SMYD3: variants seen among roughly 807,000 people sequenced by gnomAD.
SMYD3 encodes SET and MYND domain containing 3.
In SMYD3, 36 loss-of-function variants were observed where a neutral mutation model predicts 57.7. The observed-to-expected ratio is 0.62, with a 90% CI of 0.48 to 0.82. The LOEUF (loss-of-function observed/expected upper bound fraction) is 0.82, where lower values mean the gene tolerates loss of function less well. Ranked by LOEUF, SMYD3 falls within the 40% of genes least tolerant of loss-of-function variation. The probability of loss-of-function intolerance (pLI) is 0.00; values close to 1 mark genes in which losing one functional copy is unlikely to be tolerated. For synonymous variants in SMYD3, 211 were observed against 195.0 expected (o/e 1.08, Z -0.68); for missense variants, 515 against 538.8 (o/e 0.96, Z 0.44).
At chr1:245,891,055 G>C (rs764625936) in intron 8 of SMYD3, among the ~76,000 whole-genome samples, 3 of 152,198 alleles carry the variant, frequency 2.0e-5, no homozygotes, top group African/African-American at 4.8e-5. Flanking sequence ...GTAGAATGAT[G>C]GTTACCAGAG....
intron 5 of SMYD3, among the ~76,000 whole-genome samples, chr1:246,286,370 C>T (rs144569378): frequency 8.2e-4 from 125 of 152,132 alleles, no homozygotes; most frequent in Non-Finnish European, 1.6e-3. Context: ...CACAAATCAC[C>T]ACACAGCTCC....
At chr1:245,989,272 G>C (rs1051378737) in intron 5 of SMYD3, among the ~76,000 whole-genome samples, 3 of 151,822 alleles carry the variant, frequency 2.0e-5, no homozygotes, top group African/African-American at 7.2e-5. Context: ...GTCCACTGCT[G>C]CAAGATCTTT....
At chr1:245,776,758 A>G (rs2046619075) in intron 10 of SMYD3, among the ~76,000 whole-genome samples, 1 of 152,224 alleles carries the variant, frequency 6.6e-6, no homozygotes, top group Non-Finnish European at 1.5e-5. Context: ...AGCCTGTTGT[A>G]GCAGAGCAGC....
intron 8 of SMYD3, among the ~76,000 whole-genome samples, chr1:245,882,925 G>A (rs532979293): frequency 1.2e-4 from 18 of 152,268 alleles, no homozygotes; most frequent in Admixed American, 6.5e-4. Context: ...GACTTATATG[G>A]GCAAACTGTT....
intron 1 of SMYD3, among the ~76,000 whole-genome samples, chr1:246,499,225 A>C (rs1572060708): frequency 6.6e-6 from 1 of 151,560 alleles, no homozygotes; most frequent in African/African-American, 2.4e-5. Context: ...AATCGCTTGA[A>C]CCCAGGAGGC....
intron 5 of SMYD3, among the ~76,000 whole-genome samples, chr1:246,044,854 G>T (rs920734951): frequency 7.9e-5 from 12 of 152,094 alleles, no homozygotes; most frequent in Admixed American, 2.6e-4. Context: ...ACTGGACTAG[G>T]ATAACCATTA....
At chr1:246,246,514 T>G (rs1277029585) in intron 5 of SMYD3, among the ~76,000 whole-genome samples, 1 of 152,108 alleles carries the variant, frequency 6.6e-6, no homozygotes, top group African/African-American at 2.4e-5. Flanking sequence ...TTCAAGTGAG[T>G]AAAACTTTTG....
intron 1 of SMYD3, among the ~76,000 whole-genome samples, chr1:246,432,168 T>G (rs1036306591): frequency 6.6e-6 from 1 of 152,220 alleles, no homozygotes; most frequent in African/African-American, 2.4e-5. Flanking sequence ...CCATTTATTT[T>G]CCACTGCATA....
At chr1:246,113,184 A>AAAT (rs1558239582) in intron 5 of SMYD3, among the ~76,000 whole-genome samples, 141 of 145,522 alleles carry the variant, frequency 9.7e-4, no homozygotes, top group Non-Finnish European at 1.7e-3. Flanking sequence ...TCTGTCTCAA[A>AAAT]AAATAAATAA....
chr1:246,475,311 C>T (rs1293635953), intron 1 of SMYD3, among the ~76,000 whole-genome samples: 1 of 142,822 alleles, frequency 7.0e-6, no homozygotes, highest in African/African-American at 2.7e-5. Flanking sequence ...CTGGGCAACA[C>T]AGCGAGAGAC....
intron 5 of SMYD3, among the ~76,000 whole-genome samples, chr1:245,955,049 C>T (rs1438439411): frequency 6.6e-6 from 1 of 152,190 alleles, no homozygotes; most frequent in African/African-American, 2.4e-5. Flanking sequence ...TTTCAGTTAT[C>T]CTGGCTTCTC....
chr1:246,456,772 C>A (rs2067705622), intron 1 of SMYD3, among the ~76,000 whole-genome samples: 1 of 152,092 alleles, frequency 6.6e-6, no homozygotes, highest in South Asian at 2.1e-4. Context: ...ATAATCAGGT[C>A]TAAGGAGTCA....
intron 1 of SMYD3, 126 bp downstream of exon 1, chr1:246,506,928 A>T: frequency 1.1e-6 from 1 of 896,736 alleles, no homozygotes; most frequent in Non-Finnish European, 1.5e-6. Context: ...CAGGGGCAGC[A>T]CCGCCAAGCT....
chr1:246,083,634 T>G (rs1470382441), intron 5 of SMYD3, among the ~76,000 whole-genome samples: 1 of 152,168 alleles, frequency 6.6e-6, no homozygotes, highest in Non-Finnish European at 1.5e-5. Context: ...GGCCACCCCT[T>G]CAGTTTTGTC....
chr1:245,858,817 C>A (rs144747360), intron 9 of SMYD3, 147 bp from the exon 10 acceptor site: 13 of 762,142 alleles, frequency 1.7e-5, no homozygotes, highest in Non-Finnish European at 2.5e-5. Context: ...TGAAAACACA[C>A]TTGAGAAGCA....
At chr1:246,033,597 C>G (rs922217076) in intron 5 of SMYD3, among the ~76,000 whole-genome samples, 1 of 152,084 alleles carries the variant, frequency 6.6e-6, no homozygotes, top group Non-Finnish European at 1.5e-5. Context: ...ACCAGCCTGG[C>G]CAACCATGGT....
chr1:245,814,541 G>A (rs967679681), intron 10 of SMYD3: 49 of 281,302 alleles, frequency 1.7e-4, no homozygotes, highest in Admixed American at 5.2e-4. Flanking sequence ...CTGACTACAC[G>A]CGGCCCCAGG....
intron 5 of SMYD3, among the ~76,000 whole-genome samples, chr1:246,289,619 AC>A (rs980650668): frequency 1.3e-5 from 2 of 152,214 alleles, no homozygotes; most frequent in African/African-American, 4.8e-5. Context: ...ATGTAAATCT[AC>A]CACTCACTGA....
chr1:245,759,565 A>T (rs751458143), intron 11 of SMYD3, among the ~76,000 whole-genome samples: 1 of 152,226 alleles, frequency 6.6e-6, no homozygotes, highest in Non-Finnish European at 1.5e-5. Context: ...CATGGGAACA[A>T]CAGAACTGCA....
Sources: gnomAD v4.1 joint callset for allele counts (sites outside exome capture counted in the v4.1 genomes callset) on GRCh38, gnomAD v4.1.1 for gene constraint, MANE v1.5 for transcripts, NCBI Gene and HGNC (gene_info 2026-07-23, HGNC 2026-07-21) for gene names.